PKHD1L1: variants seen among roughly 807,000 people sequenced by gnomAD.
PKHD1L1 encodes PKHD1 like 1.
In PKHD1L1, 434 loss-of-function variants were observed where a neutral mutation model predicts 462.9. The ratio of observed to expected loss-of-function variants is 0.94; its 90% CI spans 0.87 to 1.02. The LOEUF is 1.02. Among genes scored for constraint, PKHD1L1 ranks in the 50% least tolerant of loss-of-function variants. PKHD1L1 has a pLI of 0.00. For missense variants in PKHD1L1, 5,202 were observed against 5,096.1 expected (o/e 1.02, Z -0.63); for synonymous variants, 1,781 against 1,750.0 (o/e 1.02, Z -0.44).
rs1816565081 is a variant in PKHD1L1, at chr8:109,452,257, A to G, written c.6484A>G (p.Arg2162Gly). 6.2e-7 allele frequency: 1 copy of G among 1,606,828 alleles called. No homozygotes were observed. The highest frequency in any genetic ancestry group is 8.5e-7 in the Non-Finnish European group (1 of 1,175,744). Residue 2162 changes from arginine to glycine, a missense_variant, in exon 42 of 78, where the codon AGA becomes GGA. This residue lies in a region of PKHD1L1 where 4,497 missense variants were observed against 4,336.8 expected (regional missense o/e 1.04). Transcript: ENST00000378402. The part of the protein sequence containing the change: ...SGWAPVCVHI[R>G]GVGMAKLDNA... ...GTGGGCTCCAGTTTGTGTCCACATC[A>G]GAGGTGTCGGCATGGCCAAACTGGT... is the stretch of plus-strand genomic sequence containing the variant.
chr8:109,481,094 T>C (rs1818250116), intron 55 of PKHD1L1, among the ~76,000 whole-genome samples: 1 of 151,958 alleles, frequency 6.6e-6, no homozygotes, highest in Admixed American at 6.6e-5. Context: ...ATAAATTGCA[T>C]AGCTTGGGTG....
rs972963357 is a variant in PKHD1L1 at position 109,451,149 on chromosome 8, G to A, written c.6350G>A (p.Ser2117Asn). ...CTGACAGTCGTGGGATCAGGATTCAGGTACTGTCTCCACACAAACACGCAT... is the reference window on the plus strand; with the variant it reads ...CTGACAGTCGTGGGATCAGGATTCAAGTACTGTCTCCACACAAACACGCAT... ...TRLTVVGSGF[S>N]ENMEDVHITI... The change falls in exon 41 of 78, where the codon AGT becomes AAT. Residue 2117 changes from serine to asparagine, a missense_variant and splice_region_variant. This residue lies in a region of PKHD1L1 where 4,497 missense variants were observed against 4,336.8 expected (regional missense o/e 1.04). Transcript: ENST00000378402. The A allele has an allele frequency of 6.3e-6, 10 of 1,598,958 alleles. No homozygotes were observed. Among genetic ancestry groups the A allele is most frequent in the Non-Finnish European group, 8.5e-6 (10 of 1,170,830 alleles).
At chr8:109,437,705 T>G (rs1815513565) in intron 30 of PKHD1L1, among the ~76,000 whole-genome samples, 1 of 152,056 alleles carries the variant, frequency 6.6e-6, no homozygotes, top group African/African-American at 2.4e-5. Context: ...GACCAAATGA[T>G]GGAGATGAGA....
chr8:109,437,007 C>T (rs1185747943), intron 30 of PKHD1L1, among the ~76,000 whole-genome samples: 1 of 152,178 alleles, frequency 6.6e-6, no homozygotes, highest in Non-Finnish European at 1.5e-5. Context: ...CCTCTGCCTC[C>T]CGGGTTCAAG....
chr8:109,405,092 T>C lies in PKHD1L1; in HGVS notation c.1631T>C (p.Leu544Pro). The part of the protein sequence containing the change: ...SPCVEANSCS[L>P]YQYRLIYNME... ...TGTGTGGAAGCTAATTCATGTTCAC[T>C]TTACCAATATAGATTAATCTATAAT... The change falls in exon 16 of 78, where the codon CTT (leucine) becomes CCT (proline). Residue 544 changes from leucine to proline, a missense_variant. By Grantham distance (98) the Leu-to-Pro change is moderately conservative. Coordinates refer to ENST00000378402, the MANE Select transcript of PKHD1L1 (RefSeq NM_177531.6). 1 of 1,507,198 alleles carries C rather than the reference T, an allele frequency of 6.6e-7. No individual in the cohort carries two copies. Among genetic ancestry groups the C allele is most frequent in the Non-Finnish European group, 9.1e-7 (1 of 1,103,978 alleles). The allele number at this position is 1,507,198 out of a possible 1,614,324, so 93.4% of individuals were successfully genotyped here.
intron 9 of PKHD1L1, among the ~76,000 whole-genome samples, chr8:109,392,326 G>A (rs1381964685): frequency 6.6e-6 from 1 of 152,078 alleles, no homozygotes. Flanking sequence ...AAAATAGAAG[G>A]TTTGAGTGAT....
chr8:109,385,917 A>C (rs1812421048), intron 6 of PKHD1L1, among the ~76,000 whole-genome samples: 1 of 152,188 alleles, frequency 6.6e-6, no homozygotes, highest in Admixed American at 6.5e-5. Context: ...TAATTGAGTT[A>C]TAGTCATACA....
intron 5 of PKHD1L1, among the ~76,000 whole-genome samples, chr8:109,384,448 C>T (rs1169902786): frequency 6.6e-6 from 1 of 151,738 alleles, no homozygotes; most frequent in Non-Finnish European, 1.5e-5. Context: ...GAGGCTGAGG[C>T]GAGAGGATCA....
intron 58 of PKHD1L1, among the ~76,000 whole-genome samples, chr8:109,485,707 A>G (rs1047556406): frequency 6.6e-6 from 1 of 151,884 alleles, no homozygotes; most frequent in African/African-American, 2.4e-5. Context: ...AGGAAGTGGG[A>G]GCAGACAGTA....
At chr8:109,492,356 G>C (rs73313159) in intron 62 of PKHD1L1, among the ~76,000 whole-genome samples, 1 of 151,614 alleles carries the variant, frequency 6.6e-6, no homozygotes, top group African/African-American at 2.4e-5. Flanking sequence ...CTACAGGCAA[G>C]GTTATTATAC....
At chr8:109,439,528 A>C (rs1815652141) in intron 32 of PKHD1L1, among the ~76,000 whole-genome samples, 1 of 152,126 alleles carries the variant, frequency 6.6e-6, no homozygotes, top group Non-Finnish European at 1.5e-5. Flanking sequence ...ACTGTGAGTT[A>C]GAGGTACCAG....
chr8:109,437,510 C>A (rs1179347229), intron 30 of PKHD1L1, among the ~76,000 whole-genome samples: 1 of 125,420 alleles, frequency 8.0e-6, no homozygotes, highest in Non-Finnish European at 1.6e-5. Flanking sequence ...CACCCCACAA[C>A]AGGCCCCAGG....
chr8:109,428,175 G>A (rs1814878974), intron 25 of PKHD1L1, among the ~76,000 whole-genome samples: 1 of 152,010 alleles, frequency 6.6e-6, no homozygotes, highest in African/African-American at 2.4e-5. Context: ...GAGACCTTAT[G>A]ATTCATCACT....
chr8:109,491,467 A>T (rs1818822783), intron 61 of PKHD1L1, among the ~76,000 whole-genome samples: 1 of 151,966 alleles, frequency 6.6e-6, no homozygotes, highest in Middle Eastern at 3.4e-3. Context: ...TAATTATTTA[A>T]ATTTAATACT....
intron 55 of PKHD1L1, 105 bp downstream of exon 55, chr8:109,480,244 A>G: frequency 1.6e-6 from 2 of 1,227,164 alleles, no homozygotes; most frequent in South Asian, 3.0e-5. Context: ...GTGAATAAAA[A>G]CACAACTGGC....
chr8:109,382,643 C>T, intron 4 of PKHD1L1, 72 bp downstream of exon 4: 2 of 1,240,788 alleles, frequency 1.6e-6, no homozygotes, highest in East Asian at 2.6e-5. Flanking sequence ...TGAATTTTTC[C>T]TTTTTAGTTT....
At chr8:109,423,334 G>T (rs1326947126) in intron 23 of PKHD1L1, among the ~76,000 whole-genome samples, 1 of 151,970 alleles carries the variant, frequency 6.6e-6, no homozygotes, top group Non-Finnish European at 1.5e-5. Flanking sequence ...TTTCGTTGAG[G>T]TTCATTTGTT....
At chr8:109,419,780 C>T (rs535929388) in intron 22 of PKHD1L1, among the ~76,000 whole-genome samples, 1 of 152,224 alleles carries the variant, frequency 6.6e-6, no homozygotes, top group African/African-American at 2.4e-5. Flanking sequence ...AAAAATTAAA[C>T]TCCACGATCT....
At chr8:109,414,456 A>G (rs1200442689) in intron 21 of PKHD1L1, among the ~76,000 whole-genome samples, 1 of 152,008 alleles carries the variant, frequency 6.6e-6, no homozygotes, top group African/African-American at 2.4e-5. Flanking sequence ...AAAAATAACC[A>G]TGGTGGGATC....
Sources: allele counts gnomAD v4.1 joint callset (sites outside exome capture counted in the v4.1 genomes callset), GRCh38; gene constraint gnomAD v4.1.1; regional missense constraint gnomAD v4.1.1; transcripts MANE v1.5; gene names NCBI Gene and HGNC (gene_info 2026-07-23, HGNC 2026-07-21).